Variants in PRKCZ observed in about 807,000 individuals in gnomAD.
PRKCZ encodes the protein protein kinase C zeta type.
In PRKCZ, 33 loss-of-function variants were observed where a neutral mutation model predicts 79.5. That is an observed-to-expected ratio of 0.41 (90% CI 0.31 to 0.55). PRKCZ has a LOEUF of 0.55. Among genes scored for constraint, PRKCZ ranks in the 20% least tolerant of loss-of-function variants. PRKCZ has a pLI of 0.19. For missense variants in PRKCZ, 578 were observed against 813.5 expected (o/e 0.71, Z 3.52); for synonymous variants, 342 against 320.9 (o/e 1.07, Z -0.70).
At chr1:2,123,809 AGGGTCACGGCGGTG>A (rs1673125777) in intron 4 of PRKCZ, among the ~76,000 whole-genome samples, 1 of 7,024 alleles carries the variant, frequency 1.4e-4, no homozygotes, top group Non-Finnish European at 2.3e-4. Context: ...TGTGGTGGTT[AGGGTCACGGCGGTG>A]GTTAGGGTCA....
At chr1:2,071,894 A>G (rs1661624821) in intron 4 of PRKCZ, among the ~76,000 whole-genome samples, 1 of 152,274 alleles carries the variant, frequency 6.6e-6, no homozygotes, top group South Asian at 2.1e-4. Context: ...AGGCGTGGGC[A>G]GCACCCAAGG....
chr1:2,171,056 C>A (rs778902779), intron 11 of PRKCZ, among the ~76,000 whole-genome samples: 1 of 152,122 alleles, frequency 6.6e-6, no homozygotes, highest in Non-Finnish European at 1.5e-5. Flanking sequence ...TTAGGCCGGG[C>A]GTGGTGGCTC....
At chr1:2,057,994 A>G (rs956273471) in intron 3 of PRKCZ, among the ~76,000 whole-genome samples, 2 of 152,144 alleles carry the variant, frequency 1.3e-5, no homozygotes, top group African/African-American at 4.8e-5. Context: ...CACCCTCCCA[A>G]GTAGCTGGGA....
intron 4 of PRKCZ, among the ~76,000 whole-genome samples, chr1:2,126,400 C>T (rs998370235): frequency 6.6e-6 from 1 of 152,084 alleles, no homozygotes; most frequent in Non-Finnish European, 1.5e-5. Flanking sequence ...GGCAGGTCCC[C>T]CATCACGTGT....
At chr1:2,152,175 C>T (rs569797741) in intron 9 of PRKCZ, among the ~76,000 whole-genome samples, 1 of 152,270 alleles carries the variant, frequency 6.6e-6, no homozygotes, top group Admixed American at 6.5e-5. Context: ...TTAATTCTGA[C>T]TTCATAGACC....
At chr1:2,112,241 A>G (rs1272335882) in intron 4 of PRKCZ, among the ~76,000 whole-genome samples, 1 of 152,180 alleles carries the variant, frequency 6.6e-6, no homozygotes, top group Admixed American at 6.5e-5. Context: ...CATAAAACAC[A>G]GTGTTTGACG....
chr1:2,117,011 A>G (rs371440439), intron 4 of PRKCZ, among the ~76,000 whole-genome samples: 2 of 151,918 alleles, frequency 1.3e-5, no homozygotes, highest in African/African-American at 2.4e-5. Flanking sequence ...GTGCAGTGGC[A>G]TGATCATGGC....
chr1:2,070,189 GT>G (rs1327026252), intron 4 of PRKCZ, among the ~76,000 whole-genome samples: 95 of 152,316 alleles, frequency 6.2e-4, no homozygotes, highest in African/African-American at 2.2e-3. Context: ...GTTCCTGCCT[GT>G]CCACAGCACA....
chr1:2,166,688 C>T (rs1475401500), intron 10 of PRKCZ, among the ~76,000 whole-genome samples: 1 of 152,048 alleles, frequency 6.6e-6, no homozygotes, highest in Non-Finnish European at 1.5e-5. Flanking sequence ...CCCCCCAGGC[C>T]ACGACATGGC....
At chr1:2,159,262 G>A (rs1264776615) in intron 10 of PRKCZ, among the ~76,000 whole-genome samples, 4 of 152,262 alleles carry the variant, frequency 2.6e-5, no homozygotes, top group Admixed American at 1.3e-4. Flanking sequence ...GCGGCCACGC[G>A]TCCGGGTGGC....
chr1:2,166,866 A>G (rs918270877), intron 10 of PRKCZ, among the ~76,000 whole-genome samples: 1 of 152,190 alleles, frequency 6.6e-6, no homozygotes, highest in Non-Finnish European at 1.5e-5. Flanking sequence ...GAGAGCCTCT[A>G]TGCAGGACAG....
chr1:2,067,831 C>CA (rs1422014123), intron 4 of PRKCZ, among the ~76,000 whole-genome samples: 28 of 152,198 alleles, frequency 1.8e-4, no homozygotes, highest in African/African-American at 6.8e-4. Flanking sequence ...TTTCAATACT[C>CA]AAATCTGTTA....
At chr1:2,144,545 C>T in intron 6 of PRKCZ, 1 of 1,410,524 alleles carries the variant, frequency 7.1e-7, no homozygotes, top group Non-Finnish European at 9.2e-7. Flanking sequence ...CCCCGGCACA[C>T]TCTGCTCATT....
intron 4 of PRKCZ, among the ~76,000 whole-genome samples, chr1:2,105,182 G>A (rs2102629733): frequency 6.6e-6 from 1 of 152,296 alleles, no homozygotes; most frequent in South Asian, 2.1e-4. Context: ...TTCCAAACCT[G>A]CTCGTCAGGA....
chr1:2,134,538 G>A (rs918205599), intron 4 of PRKCZ, among the ~76,000 whole-genome samples: 1 of 152,190 alleles, frequency 6.6e-6, no homozygotes, highest in Non-Finnish European at 1.5e-5. Context: ...TACAGGCTTG[G>A]TGCCGCCTTT....
chr1:2,107,492 G>T (rs144312923), intron 4 of PRKCZ, among the ~76,000 whole-genome samples: 2 of 152,242 alleles, frequency 1.3e-5, no homozygotes, highest in East Asian at 3.8e-4. Context: ...TGGAGCTGCG[G>T]TGGGAAAACG....
intron 5 of PRKCZ, among the ~76,000 whole-genome samples, chr1:2,138,804 C>T (rs555921962): frequency 1.3e-5 from 2 of 152,202 alleles, no homozygotes. Flanking sequence ...CGTGGTGGCA[C>T]GTGCCTGTAA....
chr1:2,107,256 G>A lies in PRKCZ; in HGVS notation c.335-28006G>A, dbSNP rs1416581265. 3.9e-5 allele frequency among the ~76,000 whole-genome samples: 6 copies of A among 152,340 alleles called. No homozygotes were observed. In the South Asian group the frequency reaches 6.2e-4, roughly 16 times the overall value. On this transcript the variant is annotated intron_variant, in intron 4 of 17. Coordinates refer to ENST00000378567, the MANE Select transcript of PRKCZ (RefSeq NM_002744.6). ...TCCGTGGCTGTGTGGGCTCCTGTGC[G>A]GAGGCCGCCCCTCTCCCTGGCCAAG...
intron 15 of PRKCZ, 128 bp from the exon 16 acceptor site, chr1:2,175,096 G>T: frequency 1.2e-6 from 1 of 818,990 alleles, no homozygotes; most frequent in South Asian, 1.7e-5. Flanking sequence ...GGAAACATCT[G>T]ATTTCCACCA....
Sources: gnomAD v4.1 joint callset for allele counts (sites outside exome capture counted in the v4.1 genomes callset) on GRCh38, gnomAD v4.1.1 for gene constraint, MANE v1.5 for transcripts, NCBI Gene and HGNC (gene_info 2026-07-23, HGNC 2026-07-21) for gene names.